The following KIF14 variants were observed in gnomAD, a reference collection of about 807,000 sequenced individuals.
The protein encoded by KIF14 is kinesin-like protein KIF14.
KIF14 carries 98 observed loss-of-function variants against 176.2 expected under a neutral mutation model. That is an observed-to-expected ratio of 0.56 (90% confidence interval 0.47 to 0.66). KIF14 has a LOEUF of 0.66. Ranked by LOEUF, KIF14 falls within the 30% of genes least tolerant of loss-of-function variation. KIF14 has a pLI of 0.00. For synonymous variants in KIF14, 566 were observed against 632.2 expected (o/e 0.90, Z 1.57); for missense variants, 1,751 against 1,920.4 (o/e 0.91, Z 1.65).
chr1:200,606,153 T>A (rs1264733966), intron 6 of KIF14, among the ~76,000 whole-genome samples: 1 of 152,154 alleles, frequency 6.6e-6, no homozygotes. Context: ...AATATTCAAG[T>A]CTAAGTCACA....
Position 200,586,120 on chromosome 1 carries a change from A to G in KIF14, c.3222T>C (p.Asn1074=). 6.3e-7 allele frequency: 1 copy of G among 1,587,164 alleles called. No individual in the cohort carries two copies. The highest frequency in any genetic ancestry group is 8.6e-7 in the Non-Finnish European group (1 of 1,163,412). ...ACTTACCTGTAAAAGTTTTATCCCTATTATTCCGATTCTGCTGTAGAATTT... is the reference window on the plus strand; with the variant it reads ...ACTTACCTGTAAAAGTTTTATCCCTGTTATTCCGATTCTGCTGTAGAATTT... The part of the protein sequence containing the change: ...EVQILQQNRN[N]RDKTFTVQTT... Residue 1074 remains asparagine, a synonymous_variant, in exon 19 of 30, where the codon AAT becomes AAC. Transcript: ENST00000367350.
intron 18 of KIF14, among the ~76,000 whole-genome samples, chr1:200,586,965 T>C (rs1408115328): frequency 6.6e-6 from 1 of 152,084 alleles, no homozygotes; most frequent in African/African-American, 2.4e-5. Context: ...AGCTAAGCTA[T>C]GGGTATGCAA....
chr1:200,587,676 C>T (rs1332449155), intron 18 of KIF14, among the ~76,000 whole-genome samples: 3 of 151,998 alleles, frequency 2.0e-5, no homozygotes, highest in Admixed American at 6.6e-5. Context: ...ATTAGCCGGG[C>T]GTAGTGGCAG....
At chr1:200,603,362 A>AT (rs748987045) in intron 9 of KIF14, 21 bp from the exon 10 acceptor site, 59 of 1,250,798 alleles carry the variant, frequency 4.7e-5, no homozygotes, top group Admixed American at 4.2e-4. Context: ...GAAAAAAAAA[A>AT]TTTTTAACTT....
intron 14 of KIF14, 86 bp downstream of exon 14, chr1:200,598,151 T>A (rs1571539323): frequency 8.8e-7 from 1 of 1,137,560 alleles, no homozygotes; most frequent in East Asian, 2.4e-5. Context: ...ACGATCAGTA[T>A]CAACGAATAT....
At chr1:200,592,266 C>T in intron 15 of KIF14, 26 bp from the exon 16 acceptor site, 2 of 1,584,990 alleles carry the variant, frequency 1.3e-6, no homozygotes, top group Non-Finnish European at 1.7e-6. Context: ...AAATGTACTA[C>T]TTGAGGTGAG....
intron 1 of KIF14, among the ~76,000 whole-genome samples, chr1:200,619,597 C>T (rs541994817): frequency 5.9e-5 from 9 of 152,250 alleles, no homozygotes; most frequent in Admixed American, 4.6e-4. Flanking sequence ...GTGATCCGCC[C>T]GCCTCGGCCT....
chr1:200,594,368 C>CAAAAAAA (rs371729211), intron 14 of KIF14, among the ~76,000 whole-genome samples: 116 of 92,372 alleles, frequency 1.3e-3, no homozygotes, highest in African/African-American at 2.2e-3. Context: ...CCCAAAAATT[C>CAAAAAAA]AAAAAAAAAA....
At position 200,608,903 on chromosome 1, in the gene KIF14, A is replaced by C. The variant is rs1486246348; in HGVS notation, c.1481T>G (p.Phe494Cys). ...AATTTTTTCATTATATACTTCAAAG[A>C]AGCTCATTTCAATGTGATAGCTGAC... ...QEVSYHIEMS[F>C]FEVYNEKIHD... Residue 494 changes from phenylalanine to cysteine, a missense_variant, in exon 5 of 30, where the codon TTC becomes TGC. Phe to Cys is a radical substitution (Grantham distance 205, BLOSUM62 -2). Coordinates refer to ENST00000367350, the MANE Select transcript of KIF14 (RefSeq NM_014875.3). 4.4e-6 allele frequency: 7 copies of C among 1,605,946 alleles called. No individual in the cohort carries two copies. The highest frequency in any genetic ancestry group is 6.0e-6 in the Non-Finnish European group (7 of 1,173,256).
At chr1:200,563,839 G>T (rs1211806865) in intron 25 of KIF14, among the ~76,000 whole-genome samples, 3 of 152,140 alleles carry the variant, frequency 2.0e-5, no homozygotes, top group Non-Finnish European at 4.4e-5. Context: ...GCACATAGGT[G>T]TCCAGAATTT....
chr1:200,572,637 C>T (rs922459415), intron 22 of KIF14, among the ~76,000 whole-genome samples: 24 of 152,294 alleles, frequency 1.6e-4, no homozygotes, highest in Admixed American at 5.2e-4. Flanking sequence ...GCCACTGCAC[C>T]CAGCCCCGGT....
intron 19 of KIF14, among the ~76,000 whole-genome samples, chr1:200,583,417 T>C (rs1258308809): frequency 1.3e-5 from 2 of 152,152 alleles, no homozygotes; most frequent in Non-Finnish European, 2.9e-5. Context: ...TTAAATGATA[T>C]GGTGTCTGGG....
In KIF14 at chr1:200,618,459, C is replaced by T. The variant is rs143156660; in HGVS notation, c.265G>A (p.Ala89Thr). 200 of 1,614,144 alleles carry T rather than the reference C, an allele frequency of 1.2e-4. 1 individual carries two copies. In the African/African-American group the frequency reaches 2.5e-3, roughly 20 times the overall value. ...TTCCTTGTAGTTCTCCTCTGAAGTG[C>T]CAATCTACCTACAGGATTAGGGGTA... ...PLTPNPVGRL[A>T]LQRRTTRNKE... Residue 89 changes from alanine to threonine, a missense_variant, in exon 2 of 30, where the codon GCA (alanine) becomes ACA (threonine). Ala to Thr is a moderately conservative substitution (Grantham distance 58). Coordinates refer to ENST00000367350, the MANE Select transcript of KIF14 (RefSeq NM_014875.3).
intron 27 of KIF14, among the ~76,000 whole-genome samples, chr1:200,558,093 C>G (rs1295472145): frequency 6.6e-6 from 1 of 152,168 alleles, no homozygotes; most frequent in Non-Finnish European, 1.5e-5. Context: ...GTAGCTGGTA[C>G]TACAGATGCA....
At chr1:200,557,184 A>ACAAATACAAAAT (rs1322366178) in intron 27 of KIF14, among the ~76,000 whole-genome samples, 29 of 152,184 alleles carry the variant, frequency 1.9e-4, no homozygotes, top group Admixed American at 1.8e-3. Flanking sequence ...TTGTATTTTT[A>ACAAATACAAAAT]GTAGACACGG....
In KIF14 at chr1:200,615,489, A is replaced by G. The variant is rs748564640; in HGVS notation, c.1233T>C (p.Asp411=). The G allele has an allele frequency of 6.2e-7, 1 of 1,614,156 alleles. No individual in the cohort carries two copies. The highest frequency in any genetic ancestry group is 1.1e-5 in the South Asian group (1 of 91,080). The part of the protein sequence containing the change: ...FIYDVSFWSF[D]ECHPHYASQT... The stretch of plus-strand genomic sequence containing the variant: ...GGCTAGCGTAGTGAGGATGACATTC[A>G]TCAAAAGACCAGAATGAAACATCAT... The change falls in exon 3 of 30, where the codon GAT becomes GAC. Residue 411 remains aspartate, a synonymous_variant. Coordinates refer to ENST00000367350, the MANE Select transcript of KIF14 (RefSeq NM_014875.3).
chr1:200,565,209 C>G lies in KIF14; in HGVS notation c.3931G>C (p.Ala1311Pro), dbSNP rs759573188. The change falls in exon 25 of 30, where the codon GCA (alanine) becomes CCA (proline). Residue 1311 changes from alanine (A) to proline (P), a missense_variant. Coordinates refer to ENST00000367350, the MANE Select transcript of KIF14 (RefSeq NM_014875.3). ...RAIQSLTIQT[A>P]CAFEQLVVLM... The stretch of plus-strand genomic sequence containing the variant: ...ACTACTAGCTGCTCAAAAGCACATG[C>G]AGTCTGAATAGTAAGTGACTGGATT... The G allele has an allele frequency of 6.2e-7, 1 of 1,613,468 alleles. No homozygotes were observed. Among genetic ancestry groups the G allele is most frequent in the African/African-American group, 1.3e-5 (1 of 74,994 alleles).
intron 19 of KIF14, among the ~76,000 whole-genome samples, chr1:200,582,448 C>G (rs1161629367): frequency 6.6e-6 from 1 of 152,000 alleles, no homozygotes; most frequent in East Asian, 1.9e-4. Flanking sequence ...CTAAAAATAG[C>G]TTTTTGGAAG....
chr1:200,595,825 A>G (rs1349073468), intron 14 of KIF14, among the ~76,000 whole-genome samples: 1 of 149,812 alleles, frequency 6.7e-6, no homozygotes, highest in Non-Finnish European at 1.5e-5. Context: ...GCTGCTACTC[A>G]GGAGGCTGAG....
Sources: gnomAD v4.1 joint callset for allele counts (sites outside exome capture counted in the v4.1 genomes callset) on GRCh38, gnomAD v4.1.1 for gene constraint, MANE v1.5 for transcripts, NCBI Gene and HGNC (gene_info 2026-07-23, HGNC 2026-07-21) for gene names.